RAB3B: variants seen among roughly 807,000 people sequenced by gnomAD.
RAB3B encodes the protein ras-related protein Rab-3B.
RAB3B carries 11 observed loss-of-function variants against 20.5 expected under a neutral mutation model. The ratio of observed to expected loss-of-function variants is 0.54; its 90% CI spans 0.34 to 0.89. The LOEUF is 0.89. Among genes scored for constraint, RAB3B ranks in the 40% least tolerant of loss-of-function variants. The pLI is 0.02. For missense variants in RAB3B, 225 were observed against 280.9 expected, an observed-to-expected ratio of 0.80 and a Z score of 1.42; for synonymous variants, 99 against 106.3, an observed-to-expected ratio of 0.93 and a Z score of 0.42.
At chr1:51,963,602 G>A (rs772081439) in intron 2 of RAB3B, among the ~76,000 whole-genome samples, 23 of 152,112 alleles carry the variant, frequency 1.5e-4, no homozygotes, top group Admixed American at 2.6e-4. Context: ...CATTTCCACA[G>A]TCTATTCACT....
At chr1:51,944,498 A>G (rs1379507435) in intron 2 of RAB3B, among the ~76,000 whole-genome samples, 1 of 152,234 alleles carries the variant, frequency 6.6e-6, no homozygotes, top group African/African-American at 2.4e-5. Flanking sequence ...GAAGGAATTC[A>G]CCATTCTACC....
At chr1:51,955,600 A>G (rs1266024928) in intron 2 of RAB3B, among the ~76,000 whole-genome samples, 1 of 152,068 alleles carries the variant, frequency 6.6e-6, no homozygotes, top group Non-Finnish European at 1.5e-5. Context: ...GGGTTTTACC[A>G]TGTTGGCCAG....
At chr1:51,923,425 C>A (rs1050925098) in intron 4 of RAB3B, among the ~76,000 whole-genome samples, 1 of 151,950 alleles carries the variant, frequency 6.6e-6, no homozygotes, top group Non-Finnish European at 1.5e-5. Flanking sequence ...CCTTTAAAGT[C>A]AGAACTCAGG....
chr1:51,950,856 T>C (rs1330892331), intron 2 of RAB3B, among the ~76,000 whole-genome samples: 1 of 152,200 alleles, frequency 6.6e-6, no homozygotes, highest in Non-Finnish European at 1.5e-5. Flanking sequence ...CTCCAAGTGC[T>C]TTGTTTTTCT....
chr1:51,937,283 G>A lies in RAB3B; in HGVS notation c.347+11C>T. 2 of 1,561,024 alleles carry A rather than the reference G, an allele frequency of 1.3e-6. No individual in the cohort carries two copies. The highest frequency in any genetic ancestry group is 2.2e-5 in the South Asian group (2 of 89,722). On this transcript the variant is annotated intron_variant, in intron 3 of 4. Coordinates refer to ENST00000371655, the MANE Select transcript of RAB3B (RefSeq NM_002867.4). ...GTTTGTTAAATGAATGAATGAATAT[G>A]GGTCTCATACCAGTCTTGGACAGCA... is the stretch of plus-strand genomic sequence containing the variant.
At chr1:51,954,197 G>A (rs796539159) in intron 2 of RAB3B, among the ~76,000 whole-genome samples, 4 of 152,304 alleles carry the variant, frequency 2.6e-5, no homozygotes, top group African/African-American at 9.6e-5. Flanking sequence ...AATATTGCTG[G>A]ATGAATGAAT....
At chr1:51,979,215 A>G (rs1685050764) in intron 1 of RAB3B, among the ~76,000 whole-genome samples, 1 of 151,166 alleles carries the variant, frequency 6.6e-6, no homozygotes, top group African/African-American at 2.4e-5. Context: ...TCAGCTTTTC[A>G]TGGTACTAGG....
rs1322770626 is a variant in RAB3B at position 51,909,189 on chromosome 1, T to G, written c.*10738A>C. On this transcript the variant is annotated 3_prime_UTR_variant, in exon 5 of 5. Transcript: ENST00000371655. Reference sequence around the variant, plus strand: ...TGAGGTTAGGTTCCTGGGACAGGAGTGTGTATTGAGGTGGAGGGAAGGAGC... The same window carrying G: ...TGAGGTTAGGTTCCTGGGACAGGAGGGTGTATTGAGGTGGAGGGAAGGAGC... The G allele has an allele frequency of 1.3e-5, 2 of 151,728 alleles. No homozygotes were observed. The highest frequency in any genetic ancestry group is 3.9e-4 in the East Asian group (2 of 5,186). The allele number at this position is 151,728 out of a possible 1,614,324, so 9.4% of individuals were successfully genotyped here. A position where few individuals can be genotyped will look rare whatever the true frequency, so the allele number is the denominator to read the frequency against.
intron 2 of RAB3B, among the ~76,000 whole-genome samples, chr1:51,955,239 C>A (rs1684692358): frequency 1.3e-5 from 2 of 152,280 alleles, no homozygotes; most frequent in South Asian, 4.2e-4. Flanking sequence ...CCAATTACTT[C>A]TATTTTCCTG....
At chr1:51,941,429 G>C (rs1684492400) in intron 2 of RAB3B, among the ~76,000 whole-genome samples, 1 of 152,178 alleles carries the variant, frequency 6.6e-6, no homozygotes, top group Non-Finnish European at 1.5e-5. Flanking sequence ...GAGGCAGGAA[G>C]GCTGGTTAGA....
At position 51,916,545 on chromosome 1, in the gene RAB3B, C is replaced by T. The variant is rs1684088012; in HGVS notation, c.*3382G>A. On this transcript the variant is annotated 3_prime_UTR_variant, in exon 5 of 5. Transcript: ENST00000371655. ...GTAAAAATCACACCCAGAACCACTG[C>T]CCTCTGAAGCAACTGTATTATACCC... The T allele has an allele frequency of 6.6e-6, 1 of 152,238 alleles. No homozygotes were observed. Among genetic ancestry groups the T allele is most frequent in the Admixed American group, 6.5e-5 (1 of 15,280 alleles). The allele number at this position is 152,238 out of a possible 1,614,324, so 9.4% of individuals were successfully genotyped here. A position where few individuals can be genotyped will look rare whatever the true frequency, so the allele number is the denominator to read the frequency against.
chr1:51,938,000 T>TTTTTTTTTA (rs1684432326), intron 2 of RAB3B, among the ~76,000 whole-genome samples: 1 of 146,094 alleles, frequency 6.8e-6, no homozygotes. Flanking sequence ...TTGTTTCTTT[T>TTTTTTTTTA]TTTTTTTTTT....
chr1:51,988,052 ATT>A (rs377053140), intron 1 of RAB3B, among the ~76,000 whole-genome samples: 3,516 of 151,464 alleles, frequency 0.023, 76 homozygotes, highest in African/African-American at 0.062. Context: ...CCACCATGGT[ATT>A]TTTTTTAATC....
Position 51,977,071 on chromosome 1 carries a change from T to C in RAB3B, c.47A>G (p.Asp16Gly). Residue 16 changes from aspartate (D) to glycine (G), a missense_variant, in exon 2 of 5, where the codon GAC becomes GGC. Physicochemically the swap from Asp to Gly is moderately conservative, Grantham distance 94. Coordinates refer to ENST00000371655, the MANE Select transcript of RAB3B (RefSeq NM_002867.4). ...DGKTGVKDAS[D>G]QNFDYMFKLL... ...TTTAAACATGTAGTCAAAATTCTGGTCAGAGGCATCTTTGACTCCAGTTTT... is the reference window on the plus strand; with the variant it reads ...TTTAAACATGTAGTCAAAATTCTGGCCAGAGGCATCTTTGACTCCAGTTTT... 1 of 1,614,162 alleles carries C rather than the reference T, an allele frequency of 6.2e-7. No individual in the cohort carries two copies. The highest frequency in any genetic ancestry group is 8.5e-7 in the Non-Finnish European group (1 of 1,180,014).
At chr1:51,920,562 C>G (rs996848502) in intron 4 of RAB3B, among the ~76,000 whole-genome samples, 1 of 152,162 alleles carries the variant, frequency 6.6e-6, no homozygotes, top group Non-Finnish European at 1.5e-5. Context: ...TTCCAAAGCA[C>G]TTATCACATA....
At chr1:51,929,940 G>A (rs1684299788) in intron 4 of RAB3B, among the ~76,000 whole-genome samples, 1 of 152,176 alleles carries the variant, frequency 6.6e-6, no homozygotes, top group African/African-American at 2.4e-5. Context: ...ATGTATTAAT[G>A]AATATCTACC....
intron 2 of RAB3B, among the ~76,000 whole-genome samples, chr1:51,959,502 A>T (rs546525762): frequency 6.6e-6 from 1 of 152,084 alleles, no homozygotes; most frequent in South Asian, 2.1e-4. Flanking sequence ...ACAAAGCAAG[A>T]CCCTATTCCA....
At chr1:51,928,755 A>G (rs1461241686) in intron 4 of RAB3B, among the ~76,000 whole-genome samples, 3 of 152,116 alleles carry the variant, frequency 2.0e-5, no homozygotes, top group Non-Finnish European at 4.4e-5. Flanking sequence ...TCCCTGTGCC[A>G]TGGCCTTCTT....
At chr1:51,963,960 T>C (rs1199753132) in intron 2 of RAB3B, among the ~76,000 whole-genome samples, 1 of 152,216 alleles carries the variant, frequency 6.6e-6, no homozygotes, top group Non-Finnish European at 1.5e-5. Context: ...ATTCAATTGT[T>C]CTACCACCAT....
Sources: gnomAD v4.1 joint callset for allele counts (sites outside exome capture counted in the v4.1 genomes callset) on GRCh38, gnomAD v4.1.1 for gene constraint, MANE v1.5 for transcripts, NCBI Gene and HGNC (gene_info 2026-07-23, HGNC 2026-07-21) for gene names.